The following PLPPR1 variants were observed in gnomAD, a reference collection of about 807,000 sequenced individuals.
The protein encoded by PLPPR1 is phospholipid phosphatase related 1.
A neutral mutation model predicts 33.1 loss-of-function variants in PLPPR1; 10 were observed. The ratio of observed to expected loss-of-function variants is 0.30; its 90% CI spans 0.19 to 0.51. The LOEUF (loss-of-function observed/expected upper bound fraction) is 0.51. Among genes scored for constraint, PLPPR1 ranks in the 20% least tolerant of loss-of-function variants. The probability of loss-of-function intolerance (pLI) is 0.97; values close to 1 mark genes in which losing one functional copy is unlikely to be tolerated. For synonymous variants in PLPPR1, 151 were observed against 151.0 expected (o/e 1.00, Z 0.00); for missense variants, 304 against 408.1 (o/e 0.74, Z 2.20).
intron 2 of PLPPR1, among the ~76,000 whole-genome samples, chr9:101,253,172 A>G (rs1173408240): frequency 6.6e-6 from 1 of 152,036 alleles, no homozygotes; most frequent in Non-Finnish European, 1.5e-5. Flanking sequence ...GGAGGGTTCC[A>G]CAGCATTTCA....
At chr9:101,317,541 C>G (rs1829080647) in intron 7 of PLPPR1, 45 bp downstream of exon 7, 3 of 1,583,102 alleles carry the variant, frequency 1.9e-6, no homozygotes, top group Non-Finnish European at 2.6e-6. Context: ...AGGCTGAACA[C>G]TTTGGGAGGT....
intron 1 of PLPPR1, among the ~76,000 whole-genome samples, chr9:101,081,187 G>A (rs1830613495): frequency 3.9e-5 from 6 of 152,070 alleles, no homozygotes; most frequent in Admixed American, 1.3e-4. Flanking sequence ...GGTTTGGGGG[G>A]TGGGTGCAGA....
At chr9:101,101,585 A>C (rs1830901149) in intron 1 of PLPPR1, among the ~76,000 whole-genome samples, 1 of 152,058 alleles carries the variant, frequency 6.6e-6, no homozygotes, top group Non-Finnish European at 1.5e-5. Flanking sequence ...AAAATTTCTT[A>C]TGAAACACTT....
chr9:101,296,838 C>T (rs948626681), intron 4 of PLPPR1, among the ~76,000 whole-genome samples: 7 of 151,772 alleles, frequency 4.6e-5, no homozygotes, highest in African/African-American at 1.5e-4. Flanking sequence ...GGAGATATAC[C>T]TAATGCTAAA....
intron 1 of PLPPR1, among the ~76,000 whole-genome samples, chr9:101,088,290 T>C (rs1479753921): frequency 6.6e-6 from 1 of 152,132 alleles, no homozygotes; most frequent in Non-Finnish European, 1.5e-5. Flanking sequence ...TTCCAATATG[T>C]GCAATGATGG....
chr9:101,289,084 C>T (rs1239226909), intron 4 of PLPPR1, among the ~76,000 whole-genome samples: 1 of 152,212 alleles, frequency 6.6e-6, no homozygotes, highest in Non-Finnish European at 1.5e-5. Flanking sequence ...TCCCATCATG[C>T]TAAACGGCTT....
chr9:101,305,833 G>A (rs1172013081), intron 4 of PLPPR1, among the ~76,000 whole-genome samples: 5 of 152,122 alleles, frequency 3.3e-5, no homozygotes. Context: ...CAGGAATAGG[G>A]TCACAGAATT....
At chr9:101,189,374 T>G (rs1346890426) in intron 2 of PLPPR1, among the ~76,000 whole-genome samples, 1 of 152,092 alleles carries the variant, frequency 6.6e-6, no homozygotes, top group Non-Finnish European at 1.5e-5. Context: ...AGATGAAGCC[T>G]CCAGGTAGCA....
At chr9:101,278,066 C>G (rs977578250) in intron 3 of PLPPR1, among the ~76,000 whole-genome samples, 1 of 152,214 alleles carries the variant, frequency 6.6e-6, no homozygotes. Context: ...TCACCCAGTA[C>G]TAGAGCCACA....
intron 1 of PLPPR1, among the ~76,000 whole-genome samples, chr9:101,177,049 A>T (rs1457052983): frequency 6.6e-6 from 1 of 152,218 alleles, no homozygotes; most frequent in South Asian, 2.1e-4. Context: ...GAAATCAGAA[A>T]GTATGATGCC....
chr9:101,221,573 A>C (rs978200599), intron 2 of PLPPR1, among the ~76,000 whole-genome samples: 7 of 152,200 alleles, frequency 4.6e-5, no homozygotes, highest in Non-Finnish European at 7.3e-5. Context: ...CACTTACTGC[A>C]TGCCACACCA....
At chr9:101,314,404 C>G (rs898478474) in intron 6 of PLPPR1, among the ~76,000 whole-genome samples, 6 of 152,272 alleles carry the variant, frequency 3.9e-5, no homozygotes, top group African/African-American at 1.4e-4. Context: ...TGCTCACATT[C>G]AGAACATTGA....
intron 1 of PLPPR1, among the ~76,000 whole-genome samples, chr9:101,084,313 C>A (rs2118518015): frequency 6.6e-6 from 1 of 152,278 alleles, no homozygotes; most frequent in African/African-American, 2.4e-5. Context: ...ACTAAAGGAA[C>A]TAAAACTCTT....
intron 1 of PLPPR1, among the ~76,000 whole-genome samples, chr9:101,031,444 G>A (rs1177768482): frequency 6.6e-6 from 1 of 152,164 alleles, no homozygotes; most frequent in African/African-American, 2.4e-5. Flanking sequence ...ACATGAAATA[G>A]AAAGCAGGAT....
chr9:101,321,239 T>C (rs895916575), intron 7 of PLPPR1, among the ~76,000 whole-genome samples: 7 of 152,196 alleles, frequency 4.6e-5, no homozygotes, highest in South Asian at 4.1e-4. Flanking sequence ...AGGAGAAGAC[T>C]GGATGGGGAG....
intron 1 of PLPPR1, among the ~76,000 whole-genome samples, chr9:101,047,756 C>T (rs1411284137): frequency 6.6e-6 from 1 of 152,078 alleles, no homozygotes. Context: ...TTATAATGCT[C>T]AAATGTCATT....
intron 1 of PLPPR1, among the ~76,000 whole-genome samples, chr9:101,154,757 A>G (rs1243480462): frequency 6.6e-6 from 1 of 152,106 alleles, no homozygotes. Context: ...TGTGGCACAT[A>G]TACACCATGG....
At chr9:101,313,588 G>T (rs1472644419) in intron 6 of PLPPR1, among the ~76,000 whole-genome samples, 1 of 152,022 alleles carries the variant, frequency 6.6e-6, no homozygotes, top group African/African-American at 2.4e-5. Context: ...GAAGAGTTTT[G>T]GTTAATACAT....
At chr9:101,227,397 G>T (rs2118807750) in intron 2 of PLPPR1, among the ~76,000 whole-genome samples, 1 of 152,248 alleles carries the variant, frequency 6.6e-6, no homozygotes, top group African/African-American at 2.4e-5. Flanking sequence ...CATTTCTAAT[G>T]ATGAGTGATG....
Sources: allele counts gnomAD v4.1 joint callset (sites outside exome capture counted in the v4.1 genomes callset), GRCh38; gene constraint gnomAD v4.1.1; transcripts MANE v1.5; gene names NCBI Gene and HGNC (gene_info 2026-07-23, HGNC 2026-07-21).